COL13A1: variants seen among roughly 807,000 people sequenced by gnomAD.
COL13A1 encodes collagen type XIII alpha 1 chain.
Under a neutral mutation model 130.9 loss-of-function variants are expected in COL13A1, and 89 were observed. The observed-to-expected ratio is 0.68, with a 90% CI of 0.57 to 0.81. The LOEUF is 0.81. Among genes scored for constraint, COL13A1 ranks in the 30% least tolerant of loss-of-function variants. COL13A1 has a pLI of 0.00. For synonymous variants in COL13A1, 402 were observed against 341.6 expected (o/e 1.18, Z -1.95); for missense variants, 879 against 934.6 (o/e 0.94, Z 0.78).
intron 2 of COL13A1, among the ~76,000 whole-genome samples, chr10:69,855,682 C>T (rs1434358060): frequency 1.4e-5 from 2 of 146,736 alleles, no homozygotes; most frequent in African/African-American, 5.0e-5. Context: ...TACTTCCGGG[C>T]CTGAGGAAAG....
chr10:69,897,418 C>A (rs2061754641), intron 13 of COL13A1: 1 of 1,578,768 alleles, frequency 6.3e-7, no homozygotes, highest in Non-Finnish European at 8.7e-7. Flanking sequence ...TCTGTGGGCT[C>A]TCCCCTCACG....
rs1051802766 is a variant in COL13A1, at chr10:69,953,554, C to T, written c.2145+586C>T. Among the ~76,000 whole-genome samples, 2 of 152,230 alleles carry T rather than the reference C, an allele frequency of 1.3e-5. 1 individual carries two copies. Among genetic ancestry groups the T allele is most frequent in the African/African-American group, 4.8e-5 (2 of 41,458 alleles). On this transcript the variant is annotated intron_variant, in intron 39 of 40. Coordinates refer to ENST00000645393, the MANE Select transcript of COL13A1 (RefSeq NM_001368882.1). ...AGACCAGAACTGGTAGTCAGACAGA[C>T]ACCCCATGGGAAGCCTTCTCAAAAG...
chr10:69,861,933 A>T (rs1858221987), intron 2 of COL13A1, among the ~76,000 whole-genome samples: 1 of 152,178 alleles, frequency 6.6e-6, no homozygotes, highest in African/African-American at 2.4e-5. Context: ...CATAGGACAG[A>T]TGTGAGCTGT....
At chr10:69,882,864 C>T (rs1311143557) in intron 7 of COL13A1, among the ~76,000 whole-genome samples, 1 of 152,210 alleles carries the variant, frequency 6.6e-6, no homozygotes, top group Non-Finnish European at 1.5e-5. Flanking sequence ...GTCCCCACTA[C>T]AGCACGGGCA....
intron 1 of COL13A1, among the ~76,000 whole-genome samples, chr10:69,812,119 C>T (rs1248573564): frequency 6.6e-6 from 1 of 152,228 alleles, no homozygotes; most frequent in African/African-American, 2.4e-5. Context: ...TTAAACTCTT[C>T]AGTAACTCCC....
At chr10:69,813,509 G>C (rs10998980) in intron 1 of COL13A1, among the ~76,000 whole-genome samples, 23,793 of 152,142 alleles carry the variant, frequency 0.16, 1,963 homozygotes, top group Admixed American at 0.25. Flanking sequence ...GGCAGTATGT[G>C]GTATCTGGAG....
At chr10:69,880,327 C>G (rs1455531754) in intron 6 of COL13A1, among the ~76,000 whole-genome samples, 176 bp from the exon 7 acceptor site, 1 of 152,150 alleles carries the variant, frequency 6.6e-6, no homozygotes, top group African/African-American at 2.4e-5. Context: ...TGTGTTGACT[C>G]TGCTGATCCC....
At chr10:69,949,023 C>T (rs762914563) in intron 38 of COL13A1, among the ~76,000 whole-genome samples, 22 of 152,284 alleles carry the variant, frequency 1.4e-4, no homozygotes, top group African/African-American at 1.2e-4. Flanking sequence ...TGAGGTGGCA[C>T]GCACCTTTCT....
At chr10:69,845,918 A>G (rs1035105811) in intron 2 of COL13A1, among the ~76,000 whole-genome samples, 1 of 152,176 alleles carries the variant, frequency 6.6e-6, no homozygotes, top group African/African-American at 2.4e-5. Flanking sequence ...ACTGTAGCGT[A>G]TCTTTTTGTT....
At chr10:69,825,824 C>T (rs1469019248) in intron 2 of COL13A1, among the ~76,000 whole-genome samples, 4 of 152,210 alleles carry the variant, frequency 2.6e-5, no homozygotes, top group Admixed American at 6.5e-5. Flanking sequence ...TCCCAGCATC[C>T]TCCTGGGATC....
intron 1 of COL13A1, among the ~76,000 whole-genome samples, chr10:69,806,428 A>C (rs890637463): frequency 6.6e-6 from 1 of 152,184 alleles, no homozygotes; most frequent in South Asian, 2.1e-4. Context: ...GGCAGATCTG[A>C]GGGGACCAGC....
chr10:69,862,763 C>G (rs1174227962), intron 2 of COL13A1, among the ~76,000 whole-genome samples: 1 of 152,258 alleles, frequency 6.6e-6, no homozygotes, highest in Non-Finnish European at 1.5e-5. Flanking sequence ...TGTTCTGCAG[C>G]CTTGAACGCA....
chr10:69,906,844 C>G (rs2062810151), intron 17 of COL13A1, among the ~76,000 whole-genome samples: 1 of 152,094 alleles, frequency 6.6e-6, no homozygotes, highest in African/African-American at 2.4e-5. Context: ...GATTCTCCTG[C>G]CTCAGCCTCC....
At chr10:69,905,162 C>T (rs527716206) in intron 16 of COL13A1, among the ~76,000 whole-genome samples, 19 of 152,314 alleles carry the variant, frequency 1.2e-4, no homozygotes, top group African/African-American at 4.3e-4. Context: ...TGGGTGCTCA[C>T]GCCAATGAAG....
intron 40 of COL13A1, among the ~76,000 whole-genome samples, chr10:69,958,154 C>G (rs2071149313): frequency 6.6e-6 from 1 of 152,198 alleles, no homozygotes; most frequent in African/African-American, 2.4e-5. Context: ...GAATCCATCC[C>G]TGGAGGCTGG....
rs1362716621 is a variant in COL13A1 at position 69,801,911 on chromosome 10, A to T, written c.-513A>T. The T allele has an allele frequency of 6.5e-6, 1 of 153,056 alleles. No homozygotes were observed. The highest frequency in any genetic ancestry group is 1.5e-5 in the Non-Finnish European group (1 of 68,678). 9.5% of individuals were successfully genotyped at this position (153,056 alleles called of 1,614,324 possible). A position where few individuals can be genotyped will look rare whatever the true frequency, so the allele number is the denominator to read the frequency against. ...GGAAGTAGCACGGATTGCTCATCCGATCCGTGCCGCCGCAGGGAGTGTGTC... is the reference window on the plus strand; with the variant it reads ...GGAAGTAGCACGGATTGCTCATCCGTTCCGTGCCGCCGCAGGGAGTGTGTC... On this transcript the variant is annotated 5_prime_UTR_variant, in exon 1 of 41. Coordinates refer to ENST00000645393, the MANE Select transcript of COL13A1 (RefSeq NM_001368882.1).
chr10:69,920,476 G>A (rs1405445651), intron 21 of COL13A1, among the ~76,000 whole-genome samples: 1 of 152,168 alleles, frequency 6.6e-6, no homozygotes, highest in East Asian at 1.9e-4. Context: ...CTCCAGTGTG[G>A]CTGTATTTAG....
At chr10:69,958,440 C>T (rs1053209090) in intron 40 of COL13A1, among the ~76,000 whole-genome samples, 1 of 152,164 alleles carries the variant, frequency 6.6e-6, no homozygotes. Context: ...AACAATCAGG[C>T]CTCCAAAGGC....
intron 2 of COL13A1, among the ~76,000 whole-genome samples, chr10:69,865,527 A>T (rs2058437837): frequency 6.6e-6 from 1 of 152,164 alleles, no homozygotes; most frequent in Non-Finnish European, 1.5e-5. Context: ...CTAACAGGGG[A>T]AAAAAGGTGT....
Sources: gnomAD v4.1 joint callset for allele counts (sites outside exome capture counted in the v4.1 genomes callset) on GRCh38, gnomAD v4.1.1 for gene constraint, MANE v1.5 for transcripts, NCBI Gene and HGNC (gene_info 2026-07-23, HGNC 2026-07-21) for gene names.